Variants in CFAP43 observed in about 807,000 individuals in gnomAD.
CFAP43 encodes cilia and flagella associated protein 43.
CFAP43 carries 155 observed loss-of-function variants against 218.9 expected under a neutral mutation model. That is an observed-to-expected ratio of 0.71 (90% CI 0.62 to 0.81). The LOEUF (loss-of-function observed/expected upper bound fraction) is 0.81, where lower values mean the gene tolerates loss of function less well. CFAP43 is among the 30% of genes least tolerant of loss of function. The pLI is 0.00. For missense variants in CFAP43, 1,778 were observed against 1,954.3 expected (o/e 0.91, Z 1.70); for synonymous variants, 645 against 681.3 (o/e 0.95, Z 0.83).
At chr10:104,223,662 TCTTC>T (rs140400972) in intron 3 of CFAP43, among the ~76,000 whole-genome samples, 19,187 of 152,214 alleles carry the variant, frequency 0.13, 1,500 homozygotes, top group Non-Finnish European at 0.17. Context: ...ACTTGTCATC[TCTTC>T]CCAGCTGCTT....
At chr10:104,141,657 C>A (rs957170850) in intron 33 of CFAP43, among the ~76,000 whole-genome samples, 2 of 152,018 alleles carry the variant, frequency 1.3e-5, no homozygotes, top group South Asian at 2.1e-4. Flanking sequence ...AAATTCTGAA[C>A]TTATTTATTG....
At chr10:104,227,178 G>A (rs1031658616) in intron 2 of CFAP43, among the ~76,000 whole-genome samples, 1 of 152,062 alleles carries the variant, frequency 6.6e-6, no homozygotes, top group African/African-American at 2.4e-5. Context: ...CCCCTTTATA[G>A]TATATTTTAT....
chr10:104,229,283 G>C (rs2091383690), intron 2 of CFAP43, among the ~76,000 whole-genome samples: 1 of 152,162 alleles, frequency 6.6e-6, no homozygotes, highest in South Asian at 2.1e-4. Flanking sequence ...TGCCCATGGG[G>C]TGTTAAATGA....
Position 104,207,672 on chromosome 10 carries a change from C to T in CFAP43, c.888G>A (p.Ser296=), listed in dbSNP as rs200729501. ...VTVLNKIEEE[S]PLDRRNFISP... is the part of the protein sequence containing the mutation. ...AGTAGGACAGTTTCTTACCCAATGGCGATTCCTCTTCTATCTTATTAAGTA... is the reference window on the plus strand; with the variant it reads ...AGTAGGACAGTTTCTTACCCAATGGTGATTCCTCTTCTATCTTATTAAGTA... The change falls in exon 6 of 38, where the codon TCG becomes TCA. Residue 296 remains serine, a synonymous_variant. Transcript: ENST00000357060. 2,325 of 1,612,328 alleles carry T rather than the reference C, an allele frequency of 1.4e-3. 37 individuals are homozygous for T. The South Asian group carries it at 0.024, about 17-fold the overall frequency.
At chr10:104,150,308 G>A (rs563867408) in intron 28 of CFAP43, among the ~76,000 whole-genome samples, 2 of 152,130 alleles carry the variant, frequency 1.3e-5, no homozygotes, top group Admixed American at 6.6e-5. Context: ...TCCCTGCCAG[G>A]CCAGTGATTA....
chr10:104,195,256 A>G (rs1379650745), intron 10 of CFAP43, among the ~76,000 whole-genome samples: 1 of 152,160 alleles, frequency 6.6e-6, no homozygotes, highest in Non-Finnish European at 1.5e-5. Context: ...TCAATTCTCT[A>G]TAGGGTAATG....
intron 12 of CFAP43, among the ~76,000 whole-genome samples, chr10:104,189,061 T>G (rs1033846074): frequency 6.6e-6 from 1 of 152,142 alleles, no homozygotes; most frequent in Non-Finnish European, 1.5e-5. Context: ...AAACTCAATC[T>G]CAACTTTCTT....
At chr10:104,160,896 T>G (rs2088833854) in intron 27 of CFAP43, 141 bp downstream of exon 27, 1 of 806,024 alleles carries the variant, frequency 1.2e-6, no homozygotes, top group South Asian at 3.3e-5. Flanking sequence ...CTCCACTTAC[T>G]TCTCCAAATT....
chr10:104,205,700 G>A (rs1589775891), intron 7 of CFAP43, among the ~76,000 whole-genome samples: 1 of 152,116 alleles, frequency 6.6e-6, no homozygotes. Context: ...TTTTTTCATT[G>A]CGGAAGGGCA....
At chr10:104,208,036 A>T (rs2090749252) in intron 5 of CFAP43, among the ~76,000 whole-genome samples, 1 of 151,954 alleles carries the variant, frequency 6.6e-6, no homozygotes. Flanking sequence ...ATAGCCTTAG[A>T]TAGTTAGAAA....
At chr10:104,195,529 T>A (rs778633871) in intron 10 of CFAP43, among the ~76,000 whole-genome samples, 1 of 152,214 alleles carries the variant, frequency 6.6e-6, no homozygotes, top group Non-Finnish European at 1.5e-5. Flanking sequence ...GTTTTATTTA[T>A]CACATTGAAT....
chr10:104,140,720 G>A, intron 34 of CFAP43, 122 bp downstream of exon 34: 1 of 676,168 alleles, frequency 1.5e-6, no homozygotes, highest in South Asian at 2.2e-5. Flanking sequence ...GGTGAAGGTG[G>A]GAGGATCTAT....
chr10:104,184,932 G>A (rs1234221513), intron 16 of CFAP43, 84 bp downstream of exon 16: 3 of 1,534,100 alleles, frequency 2.0e-6, no homozygotes, highest in Non-Finnish European at 2.6e-6. Context: ...CCAGCACGTT[G>A]GCCTTGCTGT....
At chr10:104,159,462 A>G (rs1437831637) in intron 27 of CFAP43, among the ~76,000 whole-genome samples, 1 of 152,040 alleles carries the variant, frequency 6.6e-6, no homozygotes, top group Non-Finnish European at 1.5e-5. Context: ...GGGTGGGAAA[A>G]ATTGATGATG....
At position 104,164,188 on chromosome 10, in the gene CFAP43, AT is replaced by A; in HGVS notation, c.3151del (p.Ile1051LeufsTer3). On this transcript the variant is annotated frameshift_variant, in exon 24 of 38. Transcript: ENST00000357060. LOFTEE classifies it high-confidence loss of function. ...VKERNVRIRE[I>X]ILDLELEEAV... is the part of the protein sequence containing the mutation. Reference sequence around the variant, plus strand: ...TTCTTCCAATTCCAGATCTAAAATAATTTCTCGAATTCGAACATTTCTTTCC... The same window carrying A: ...TTCTTCCAATTCCAGATCTAAAATAATTCTCGAATTCGAACATTTCTTTCC... 6.2e-7 allele frequency: 1 copy of A among 1,614,088 alleles called. No homozygotes were observed. The highest frequency in any genetic ancestry group is 8.5e-7 in the Non-Finnish European group (1 of 1,180,014).
chr10:104,232,100 CGGAGGGAGA>C (rs769679064), intron 1 of CFAP43, 73 bp downstream of exon 1: 28 of 1,490,424 alleles, frequency 1.9e-5, no homozygotes, highest in East Asian at 2.5e-5. Context: ...CCTAAGGAAC[CGGAGGGAGA>C]GGAGGGAGGA....
chr10:104,146,389 T>C (rs529919086), intron 29 of CFAP43, 40 bp from the exon 30 acceptor site: 741 of 1,531,758 alleles, frequency 4.8e-4, no homozygotes, highest in Admixed American at 5.9e-4. Flanking sequence ...AACTGGAGAC[T>C]TTCCAGCATA....
chr10:104,174,784 G>T (rs1411553439), intron 19 of CFAP43, among the ~76,000 whole-genome samples: 1 of 151,994 alleles, frequency 6.6e-6, no homozygotes, highest in East Asian at 1.9e-4. Flanking sequence ...GGCCGGGCGT[G>T]GTGGCCCACG....
chr10:104,194,166 C>A (rs775719200), intron 10 of CFAP43, 152 bp from the exon 11 acceptor site: 2 of 738,270 alleles, frequency 2.7e-6, no homozygotes, highest in Non-Finnish European at 4.3e-6. Context: ...CCTCAACGTT[C>A]CTGAGCTGAT....
Sources: gnomAD v4.1 joint callset for allele counts (sites outside exome capture counted in the v4.1 genomes callset) on GRCh38, gnomAD v4.1.1 for gene constraint, MANE v1.5 for transcripts, NCBI Gene and HGNC (gene_info 2026-07-23, HGNC 2026-07-21) for gene names.